The following SF3B3 variants were observed in gnomAD, a reference collection of about 807,000 sequenced individuals.
SF3B3 encodes the protein splicing factor 3b subunit 3, also known as SAP 130.
Under a neutral mutation model 139.2 loss-of-function variants are expected in SF3B3, and 33 were observed. That is an observed-to-expected ratio of 0.24 (90% CI 0.18 to 0.32). SF3B3 has a LOEUF of 0.32. Ranked by LOEUF, SF3B3 falls within the 10% of genes least tolerant of loss-of-function variation. The probability of loss-of-function intolerance (pLI) is 1.00; values close to 1 mark genes in which losing one functional copy is unlikely to be tolerated. For missense variants in SF3B3, 818 were observed against 1,509.4 expected (o/e 0.54, Z 7.59); for synonymous variants, 596 against 563.6 (o/e 1.06, Z -0.81).
At chr16:70,545,396 T>C (rs1355311332) in intron 10 of SF3B3, among the ~76,000 whole-genome samples, 1 of 152,218 alleles carries the variant, frequency 6.6e-6, no homozygotes, top group East Asian at 1.9e-4. Context: ...GTTTCTGCAA[T>C]GTTTCACCAA....
chr16:70,557,283 A>G (rs1348147861), intron 15 of SF3B3, among the ~76,000 whole-genome samples: 15 of 152,204 alleles, frequency 9.9e-5, no homozygotes. Flanking sequence ...TCAGAACTGG[A>G]TGGGTTCCTG....
chr16:70,564,460 A>C (rs974070639), intron 18 of SF3B3, among the ~76,000 whole-genome samples: 2 of 152,156 alleles, frequency 1.3e-5, no homozygotes, highest in African/African-American at 4.8e-5. Context: ...CCTTTGCCCC[A>C]AAGTACTTCA....
chr16:70,532,632 T>A lies in SF3B3; in HGVS notation c.712+12T>A, dbSNP rs750619836. ...CTTCCTTATTACAGGTACTTTTCTT[T>A]CAGAGCTGCTTTGTACCCTTTTACT... On this transcript the variant is annotated intron_variant, in intron 5 of 25. Coordinates refer to ENST00000302516, the MANE Select transcript of SF3B3 (RefSeq NM_012426.5). The A allele has an allele frequency of 3.7e-6, 6 of 1,613,784 alleles. 1 individual carries two copies. Among genetic ancestry groups the A allele is most frequent in the Admixed American group, 1.7e-5 (1 of 59,996 alleles).
intron 5 of SF3B3, among the ~76,000 whole-genome samples, chr16:70,533,188 C>T (rs933258678): frequency 4.6e-5 from 7 of 152,020 alleles, no homozygotes; most frequent in Admixed American, 2.6e-4. Context: ...ATATGTATTC[C>T]GTTTTAAAAC....
intron 8 of SF3B3, among the ~76,000 whole-genome samples, chr16:70,539,692 C>T (rs899911225): frequency 1.1e-3 from 171 of 152,160 alleles, no homozygotes; most frequent in Middle Eastern, 3.4e-3. Flanking sequence ...TTAGTGGCTT[C>T]GGGCAGTACC....
rs1189078307 is a variant in SF3B3, at chr16:70,564,921, A to C, written c.2464-144A>C. ...CTGTACACCTCTCCCTTTAATAGTC[A>C]TGTCGGGAAATCCTGGCTGGGATGG... On this transcript the variant is annotated intron_variant, in intron 18 of 25. Coordinates refer to ENST00000302516, the MANE Select transcript of SF3B3 (RefSeq NM_012426.5). The C allele has an allele frequency of 1.6e-5, 11 of 697,886 alleles. No individual in the cohort carries two copies. In the Admixed American group the frequency reaches 2.2e-4, roughly 14 times the overall value. 43.2% of individuals were successfully genotyped at this position (697,886 alleles called of 1,614,324 possible).
At chr16:70,538,564 G>T (rs1224188123) in intron 7 of SF3B3, 104 bp downstream of exon 7, 10 of 1,033,022 alleles carry the variant, frequency 9.7e-6, no homozygotes, top group Admixed American at 4.8e-5. Context: ...GAAAGTAGTT[G>T]CCCTTGGAAC....
At chr16:70,543,270 C>T (rs1049994355) in intron 9 of SF3B3, among the ~76,000 whole-genome samples, 13 of 151,794 alleles carry the variant, frequency 8.6e-5, no homozygotes, top group African/African-American at 3.1e-4. Flanking sequence ...ATTAGCCAGG[C>T]ATGGTGGCGC....
At chr16:70,528,505 T>C (rs546238188) in intron 2 of SF3B3, among the ~76,000 whole-genome samples, 2 of 147,772 alleles carry the variant, frequency 1.4e-5, no homozygotes, top group South Asian at 4.5e-4. Flanking sequence ...GATATCTTGC[T>C]GCGTTTCCCA....
rs1202745709 is a variant in SF3B3, at chr16:70,572,818, G to A, written c.*1005G>A. 6.6e-6 allele frequency: 1 copy of A among 152,238 alleles called. No homozygotes were observed. The highest frequency in any genetic ancestry group is 1.5e-5 in the Non-Finnish European group (1 of 68,102). 9.4% of individuals were successfully genotyped at this position (152,238 alleles called of 1,614,324 possible). ...TTAGGGTATAATGAGAGCCTGTTAG[G>A]TGGAAGAGGCCCAGTTCCAGAAATG... On this transcript the variant is annotated 3_prime_UTR_variant, in exon 26 of 26. Transcript: ENST00000302516.
chr16:70,539,651 A>G (rs558428160), intron 8 of SF3B3, among the ~76,000 whole-genome samples: 2 of 152,254 alleles, frequency 1.3e-5, no homozygotes, highest in Admixed American at 1.3e-4. Context: ...CTATCCTTGT[A>G]GAGTCTTTCT....
rs191625066 is a variant in SF3B3, at chr16:70,564,346, G to A, written c.2463+296G>A. ...ATGATCATGCCACTGCATACCAGTG[G>A]CACTCTGGACACGAGACTCTATCAA... On this transcript the variant is annotated intron_variant, in intron 18 of 25. Coordinates refer to ENST00000302516, the MANE Select transcript of SF3B3 (RefSeq NM_012426.5). Among the ~76,000 whole-genome samples, 156 of 152,294 alleles carry A rather than the reference G, an allele frequency of 1.0e-3. 1 individual carries two copies. The highest frequency in any genetic ancestry group is 3.3e-3 in the African/African-American group (137 of 41,552).
chr16:70,559,080 C>CA (rs2050404522), intron 15 of SF3B3, among the ~76,000 whole-genome samples: 1 of 152,206 alleles, frequency 6.6e-6, no homozygotes, highest in Non-Finnish European at 1.5e-5. Context: ...TTGTCCCACT[C>CA]ACAGTGATGT....
intron 14 of SF3B3, 188 bp downstream of exon 14, chr16:70,556,522 A>G (rs906977939): frequency 2.0e-5 from 13 of 654,570 alleles, no homozygotes; most frequent in Non-Finnish European, 2.6e-5. Context: ...TGGTTTAAGG[A>G]TATGATCTGA....
intron 9 of SF3B3, among the ~76,000 whole-genome samples, chr16:70,543,562 G>A (rs2050240185): frequency 6.6e-6 from 1 of 152,010 alleles, no homozygotes. Flanking sequence ...AAAAAAACTA[G>A]CAGGGCATGG....
At chr16:70,542,163 ACTT>A (rs113506155) in intron 9 of SF3B3, among the ~76,000 whole-genome samples, 5,611 of 152,218 alleles carry the variant, frequency 0.037, 357 homozygotes, top group African/African-American at 0.13. Context: ...TGTATTAACA[ACTT>A]CTTGTGACTG....
In SF3B3 at chr16:70,575,198, T is replaced by TTC. The variant is rs2050567417; in HGVS notation, c.*3386_*3387insCT. On this transcript the variant is annotated 3_prime_UTR_variant, in exon 26 of 26. Transcript: ENST00000302516. ...TTCTTTTTCTTTTTCTTTTTTTTCT[T>TTC]TTTTTTTTTTTTTTTTTTGAGATGA... 7.2e-6 allele frequency: 1 copy of TTC among 138,586 alleles called. No individual in the cohort carries two copies. Among genetic ancestry groups the TTC allele is most frequent in the African/African-American group, 2.8e-5 (1 of 36,166 alleles). The allele number at this position is 138,586 out of a possible 1,614,324, so 8.6% of individuals were successfully genotyped here. A position where few individuals can be genotyped will look rare whatever the true frequency, so the allele number is the denominator to read the frequency against.
In SF3B3 at chr16:70,568,331, A is replaced by T. The variant is rs1302127783; in HGVS notation, c.3001A>T (p.Ile1001Phe). Reference protein sequence around the residue: ...SGIQTIGHRVIVSDVQESFIW... With the variant: ...SGIQTIGHRVFVSDVQESFIW... Reference sequence around the variant, plus strand: ...GATCCAGACTATCGGACATAGGGTAATTGTATCTGATGTCCAAGAAAGTTT... The same window carrying T: ...GATCCAGACTATCGGACATAGGGTATTTGTATCTGATGTCCAAGAAAGTTT... The change falls in exon 22 of 26, where the codon ATT (isoleucine) becomes TTT (phenylalanine). Residue 1001 changes from isoleucine (I) to phenylalanine (F), a missense_variant. This residue lies in a region of SF3B3 where 91 missense variants were observed against 171.8 expected (regional missense o/e 0.53). Coordinates refer to ENST00000302516, the MANE Select transcript of SF3B3 (RefSeq NM_012426.5). 1 of 1,613,540 alleles carries T rather than the reference A, an allele frequency of 6.2e-7. No homozygotes were observed. The highest frequency in any genetic ancestry group is 8.5e-7 in the Non-Finnish European group (1 of 1,179,564).
Position 70,544,338 on chromosome 16 carries a change from G to A in SF3B3, c.1234-100G>A, listed in dbSNP as rs542096327. 82 of 711,008 alleles carry A rather than the reference G, an allele frequency of 1.2e-4. 1 individual carries two copies. In the African/African-American group the frequency reaches 1.2e-3, roughly 11 times the overall value. 44.0% of individuals were successfully genotyped at this position (711,008 alleles called of 1,614,324 possible). The stretch of plus-strand genomic sequence containing the variant: ...TTCACATATTGATCAGCAGATAATT[G>A]TATTGGAAAGCAGCTGGATGTCTGG... On this transcript the variant is annotated intron_variant, in intron 9 of 25. Transcript: ENST00000302516.
Sources: gnomAD v4.1 joint callset for allele counts (sites outside exome capture counted in the v4.1 genomes callset) on GRCh38, gnomAD v4.1.1 for gene constraint, gnomAD v4.1.1 regional missense constraint, MANE v1.5 for transcripts, NCBI Gene and HGNC (gene_info 2026-07-23, HGNC 2026-07-21) for gene names.